Variants in SNX29 observed in about 807,000 individuals in gnomAD.
The protein encoded by SNX29 is sorting nexin 29.
Under a neutral mutation model 102.1 loss-of-function variants are expected in SNX29, and 78 were observed. The observed-to-expected ratio is 0.76, with a 90% CI of 0.64 to 0.92. The LOEUF (loss-of-function observed/expected upper bound fraction) is 0.92. Ranked by LOEUF, SNX29 falls within the 40% of genes least tolerant of loss-of-function variation. The pLI, the probability that SNX29 is intolerant of heterozygous loss-of-function variation, is 0.00. For synonymous variants in SNX29, 580 were observed against 414.5 expected, an observed-to-expected ratio of 1.40 and a Z score of -4.85; for missense variants, 1,280 against 1,061.7, an observed-to-expected ratio of 1.21 and a Z score of -2.86.
At chr16:12,056,626 C>T (rs1008967061) in intron 8 of SNX29, among the ~76,000 whole-genome samples, 1 of 152,054 alleles carries the variant, frequency 6.6e-6, no homozygotes, top group Non-Finnish European at 1.5e-5. Flanking sequence ...TCTTTAAGAC[C>T]CTCTGTTGGT....
At chr16:12,205,612 C>T (rs963647257) in intron 14 of SNX29, among the ~76,000 whole-genome samples, 2 of 152,240 alleles carry the variant, frequency 1.3e-5, no homozygotes, top group African/African-American at 2.4e-5. Context: ...CTTCCCTGGT[C>T]TCTGTGTGGC....
intron 13 of SNX29, among the ~76,000 whole-genome samples, chr16:12,149,347 A>T (rs80326170): frequency 0.015 from 2,291 of 152,300 alleles, 48 homozygotes; most frequent in Admixed American, 0.042. Context: ...TCTGCTAGGG[A>T]TGCTGAGAAA....
chr16:12,416,628 A>G (rs912046060), intron 18 of SNX29, among the ~76,000 whole-genome samples: 2 of 152,212 alleles, frequency 1.3e-5, no homozygotes, highest in Non-Finnish European at 2.9e-5. Context: ...CAGGCTGTAC[A>G]AGAAGCATGG....
chr16:12,043,031 C>T lies in SNX29; in HGVS notation c.382C>T (p.Leu128=), dbSNP rs1289144455. 6.2e-7 allele frequency: 1 copy of T among 1,613,576 alleles called. No homozygotes were observed. The highest frequency in any genetic ancestry group is 8.5e-7 in the Non-Finnish European group (1 of 1,179,874). ...GCGCTGTGCCCTCAACGAACACTCC[C>T]TGGAGCGCTACCTGCACATGCTCCT... ...WLRCALNEHS[L]ERYLHMLLAD... Residue 128 remains leucine, a synonymous_variant, in exon 5 of 21, where the codon CTG becomes TTG. Transcript: ENST00000566228.
At chr16:12,438,737 A>G (rs2085655180) in intron 18 of SNX29, among the ~76,000 whole-genome samples, 1 of 152,236 alleles carries the variant, frequency 6.6e-6, no homozygotes, top group Non-Finnish European at 1.5e-5. Flanking sequence ...ACTTTTGAGC[A>G]CATTAAAATC....
At chr16:12,229,122 GTTTTATGGAGCACTTGTGACAAT>G (rs2077698467) in intron 14 of SNX29, among the ~76,000 whole-genome samples, 1 of 152,204 alleles carries the variant, frequency 6.6e-6, no homozygotes, top group African/African-American at 2.4e-5. Flanking sequence ...TTCCAGCTAT[GTTTTATGGAGCACTTGTGACAAT>G]TTGCAGTATG....
In SNX29 at chr16:12,127,722, T is replaced by C. The variant is rs558325737; in HGVS notation, c.1466+1026T>C. 3.3e-5 allele frequency among the ~76,000 whole-genome samples: 5 copies of C among 152,324 alleles called. No individual in the cohort carries two copies. In the South Asian group the frequency reaches 8.3e-4, roughly 25 times the overall value. ...TAGACGTGAGCCACTGTGCCTGGCC[T>C]CTAGGCAGCTGTTAGTCATCATTAA... On this transcript the variant is annotated intron_variant, in intron 12 of 20. Coordinates refer to ENST00000566228, the MANE Select transcript of SNX29 (RefSeq NM_032167.5).
At chr16:12,392,690 C>G (rs2083571433) in intron 16 of SNX29, among the ~76,000 whole-genome samples, 1 of 152,208 alleles carries the variant, frequency 6.6e-6, no homozygotes, top group South Asian at 2.1e-4. Context: ...CTTTAAAGCT[C>G]TTATTTGCCA....
At chr16:12,377,623 C>T (rs576411114) in intron 16 of SNX29, among the ~76,000 whole-genome samples, 9 of 152,184 alleles carry the variant, frequency 5.9e-5, no homozygotes, top group Admixed American at 1.3e-4. Context: ...GAGATGTGTG[C>T]GCCCGGTACG....
chr16:12,068,626 C>T (rs1353588774), intron 9 of SNX29, among the ~76,000 whole-genome samples: 2 of 152,106 alleles, frequency 1.3e-5, no homozygotes, highest in African/African-American at 2.4e-5. Flanking sequence ...CTCACTGCAA[C>T]CTCTACCTCC....
chr16:12,299,643 T>C (rs1242473439), intron 15 of SNX29, among the ~76,000 whole-genome samples: 4 of 152,136 alleles, frequency 2.6e-5, no homozygotes, highest in African/African-American at 7.2e-5. Context: ...TCTAGGCCTT[T>C]TCAGTGTTCA....
chr16:12,378,554 C>G (rs1252847306), intron 16 of SNX29, among the ~76,000 whole-genome samples: 1 of 152,110 alleles, frequency 6.6e-6, no homozygotes, highest in African/African-American at 2.4e-5. Flanking sequence ...GAGGGTGAGT[C>G]AGGAGAATCA....
chr16:12,331,061 T>C (rs1166504998), intron 15 of SNX29, among the ~76,000 whole-genome samples: 1 of 152,208 alleles, frequency 6.6e-6, no homozygotes, highest in East Asian at 1.9e-4. Flanking sequence ...TCAGAGCCTG[T>C]GTCTGTGTTT....
At chr16:12,100,196 G>A (rs748745661) in intron 11 of SNX29, among the ~76,000 whole-genome samples, 10 of 152,206 alleles carry the variant, frequency 6.6e-5, no homozygotes, top group Admixed American at 4.6e-4. Context: ...GGCCTGCTGT[G>A]TGTCAGGTGC....
intron 19 of SNX29, among the ~76,000 whole-genome samples, chr16:12,522,969 C>G (rs2090156191): frequency 6.6e-6 from 1 of 152,156 alleles, no homozygotes; most frequent in African/African-American, 2.4e-5. Flanking sequence ...CACCACCGTG[C>G]CCGGCTACTT....
intron 20 of SNX29, chr16:12,545,482 C>T (rs1361751325): frequency 6.6e-6 from 1 of 152,294 alleles, no homozygotes; most frequent in Non-Finnish European, 1.5e-5. Flanking sequence ...GACTCTCCTC[C>T]TGCAACTGTG....
intron 20 of SNX29, among the ~76,000 whole-genome samples, chr16:12,565,918 C>G (rs527360107): frequency 3.9e-5 from 6 of 152,300 alleles, no homozygotes; most frequent in Admixed American, 2.0e-4. Context: ...CGTGATCCAC[C>G]ACAGCCATCT....
chr16:12,448,044 G>T (rs1466143066), intron 18 of SNX29, among the ~76,000 whole-genome samples: 1 of 152,222 alleles, frequency 6.6e-6, no homozygotes, highest in Admixed American at 6.5e-5. Context: ...GGATTGTGCT[G>T]ATTGTGGATG....
chr16:12,568,549 G>A lies in SNX29; in HGVS notation c.2362G>A (p.Ala788Thr), dbSNP rs752380356. 3.1e-6 allele frequency: 5 copies of A among 1,609,460 alleles called. No homozygotes were observed. In the South Asian group the frequency reaches 5.5e-5, roughly 18 times the overall value. ...PGEPVNSRPK[A>T]ASRFPKLSRG... The stretch of plus-strand genomic sequence containing the variant: ...AGAGCCTGTGAACAGCCGGCCCAAA[G>A]CAGCTTCCCGCTTCCCCAAACTGTC... Residue 788 changes from alanine to threonine, a missense_variant, in exon 21 of 21, where the codon GCA becomes ACA. Coordinates refer to ENST00000566228, the MANE Select transcript of SNX29 (RefSeq NM_032167.5).
Sources: gnomAD v4.1 joint callset for allele counts (sites outside exome capture counted in the v4.1 genomes callset) on GRCh38, gnomAD v4.1.1 for gene constraint, MANE v1.5 for transcripts, NCBI Gene and HGNC (gene_info 2026-07-23, HGNC 2026-07-21) for gene names.